DPP10: variants seen among roughly 807,000 people sequenced by gnomAD.
DPP10 encodes dipeptidyl peptidase like 10, also known as inactive dipeptidyl peptidase 10.
In DPP10, 33 loss-of-function variants were observed where a neutral mutation model predicts 120.9. The ratio of observed to expected loss-of-function variants is 0.27; its 90% CI spans 0.21 to 0.37. The LOEUF is 0.37. Among genes scored for constraint, DPP10 ranks in the 10% least tolerant of loss-of-function variants. The pLI is 1.00. For missense variants in DPP10, 816 were observed against 942.8 expected, an observed-to-expected ratio of 0.87 and a Z score of 1.76; for synonymous variants, 337 against 326.1, an observed-to-expected ratio of 1.03 and a Z score of -0.36.
At chr2:114,730,441 A>G (rs753379824) in intron 1 of DPP10, among the ~76,000 whole-genome samples, 21 of 152,184 alleles carry the variant, frequency 1.4e-4, no homozygotes, top group Non-Finnish European at 2.6e-4. Flanking sequence ...CCAAGGTTTT[A>G]TTTTAATTTG....
At chr2:115,799,297 TAA>T (rs1559168313) in intron 19 of DPP10, among the ~76,000 whole-genome samples, 1 of 152,044 alleles carries the variant, frequency 6.6e-6, no homozygotes, top group Admixed American at 6.6e-5. Flanking sequence ...CTTTGGGAAT[TAA>T]AAGTGTTGAA....
rs116511345 is a variant in DPP10, at chr2:114,766,248, C to T, written c.60+323410C>T. 8.5e-3 allele frequency among the ~76,000 whole-genome samples: 1,297 copies of T among 152,070 alleles called. 23 individuals are homozygous for T. The highest frequency in any genetic ancestry group is 0.029 in the African/African-American group (1,221 of 41,514). On this transcript the variant is annotated intron_variant, in intron 1 of 25. Coordinates refer to ENST00000410059, the MANE Select transcript of DPP10 (RefSeq NM_020868.6). ...AAACTAAAAATTCTATGAGTTACTG[C>T]ACTCCCATTTCATCAGCTAAAATAA...
At chr2:114,548,246 G>T (rs1360349783) in intron 1 of DPP10, among the ~76,000 whole-genome samples, 2 of 152,122 alleles carry the variant, frequency 1.3e-5, no homozygotes, top group African/African-American at 4.8e-5. Context: ...TCAGGTAGTG[G>T]GATTGGAAGA....
intron 1 of DPP10, among the ~76,000 whole-genome samples, chr2:114,785,039 G>A (rs1315434368): frequency 2.0e-5 from 3 of 152,166 alleles, no homozygotes; most frequent in Admixed American, 6.5e-5. Flanking sequence ...CCTTGCAGCT[G>A]TAATAACTTG....
At chr2:114,805,060 C>A (rs12614755) in intron 1 of DPP10, among the ~76,000 whole-genome samples, 76,797 of 151,906 alleles carry the variant, frequency 0.51, 20,543 homozygotes, top group East Asian at 0.76. Flanking sequence ...GAATAAGTCT[C>A]ACGAGATCTG....
At chr2:114,836,722 G>C (rs925470481) in intron 1 of DPP10, among the ~76,000 whole-genome samples, 1 of 152,062 alleles carries the variant, frequency 6.6e-6, no homozygotes, top group African/African-American at 2.4e-5. Flanking sequence ...GAATTTCCTC[G>C]TCCTAATAAA....
At chr2:115,762,207 A>C (rs1680197202) in intron 11 of DPP10, among the ~76,000 whole-genome samples, 1 of 152,140 alleles carries the variant, frequency 6.6e-6, no homozygotes, top group Admixed American at 6.5e-5. Context: ...AGTTGCTTTG[A>C]AGGACTTAAT....
chr2:114,858,292 G>A (rs759693077), intron 1 of DPP10, among the ~76,000 whole-genome samples: 4 of 152,124 alleles, frequency 2.6e-5, no homozygotes, highest in African/African-American at 4.8e-5. Context: ...CCCCGCCGCC[G>A]CTTGGCGTTT....
At chr2:114,911,798 TA>T (rs1694387720) in intron 1 of DPP10, among the ~76,000 whole-genome samples, 1 of 152,202 alleles carries the variant, frequency 6.6e-6, no homozygotes, top group Non-Finnish European at 1.5e-5. Context: ...GAGGTTTTGT[TA>T]AGCAGATGAG....
intron 1 of DPP10, among the ~76,000 whole-genome samples, chr2:115,035,670 C>A (rs1321270437): frequency 6.6e-6 from 1 of 152,056 alleles, no homozygotes; most frequent in South Asian, 2.1e-4. Context: ...ACATTTATAC[C>A]CCAAATATAA....
chr2:115,241,696 T>C (rs1279172181), intron 1 of DPP10, among the ~76,000 whole-genome samples: 3 of 152,206 alleles, frequency 2.0e-5, no homozygotes, highest in Non-Finnish European at 2.9e-5. Context: ...AGCTTTTCAT[T>C]AGATGGATTT....
chr2:115,138,943 T>A (rs1325906263), intron 1 of DPP10, among the ~76,000 whole-genome samples: 1 of 152,106 alleles, frequency 6.6e-6, no homozygotes, highest in Non-Finnish European at 1.5e-5. Context: ...TTTAAAATTG[T>A]CAATAACTTC....
intron 1 of DPP10, among the ~76,000 whole-genome samples, chr2:114,906,899 T>C (rs1694010555): frequency 6.6e-6 from 1 of 152,166 alleles, no homozygotes; most frequent in Non-Finnish European, 1.5e-5. Flanking sequence ...TTTTGAAAAT[T>C]TGCGAGAGAG....
intron 1 of DPP10, among the ~76,000 whole-genome samples, chr2:114,670,590 T>C (rs1159449144): frequency 1.3e-5 from 2 of 151,814 alleles, no homozygotes; most frequent in Non-Finnish European, 2.9e-5. Context: ...AAATGACGAG[T>C]TAATGGGTGC....
At chr2:115,241,380 G>A (rs371953720) in intron 1 of DPP10, among the ~76,000 whole-genome samples, 33 of 152,306 alleles carry the variant, frequency 2.2e-4, no homozygotes, top group African/African-American at 7.9e-4. Flanking sequence ...CTTGGTAGTT[G>A]TAAGTTTCTT....
chr2:115,601,030 G>A (rs2083289922), intron 5 of DPP10, among the ~76,000 whole-genome samples: 1 of 152,066 alleles, frequency 6.6e-6, no homozygotes, highest in Non-Finnish European at 1.5e-5. Context: ...TCCTATTTAT[G>A]CCTATTCACC....
intron 16 of DPP10, among the ~76,000 whole-genome samples, chr2:115,781,521 A>G (rs964352906): frequency 6.6e-6 from 1 of 151,956 alleles, no homozygotes; most frequent in Non-Finnish European, 1.5e-5. Context: ...TATCTCTACA[A>G]TATATTCATA....
At chr2:115,122,451 G>T (rs973494605) in intron 1 of DPP10, among the ~76,000 whole-genome samples, 12 of 152,324 alleles carry the variant, frequency 7.9e-5, no homozygotes, top group African/African-American at 2.9e-4. Context: ...TTATGCCTGT[G>T]GCCTTGGGCC....
intron 1 of DPP10, among the ~76,000 whole-genome samples, chr2:114,726,496 C>T (rs912503628): frequency 1.3e-5 from 2 of 152,206 alleles, no homozygotes; most frequent in Non-Finnish European, 2.9e-5. Context: ...ACAAACATTT[C>T]AAGTTAGGCC....
Sources: gnomAD v4.1 joint callset for allele counts (sites outside exome capture counted in the v4.1 genomes callset) on GRCh38, gnomAD v4.1.1 for gene constraint, MANE v1.5 for transcripts, NCBI Gene and HGNC (gene_info 2026-07-23, HGNC 2026-07-21) for gene names.